Variants in DNAH14 observed in about 807,000 individuals in gnomAD.
DNAH14 encodes axonemal beta dynein heavy chain 14.
Under a neutral mutation model 520.9 loss-of-function variants are expected in DNAH14, and 478 were observed. The ratio of observed to expected loss-of-function variants is 0.92; its 90% CI spans 0.85 to 0.99. The LOEUF is 0.99. Among genes scored for constraint, DNAH14 ranks in the 50% least tolerant of loss-of-function variants. The pLI is 0.00. For missense variants in DNAH14, 4,831 were observed against 5,234.5 expected (o/e 0.92, Z 2.38); for synonymous variants, 1,581 against 1,757.2 (o/e 0.90, Z 2.51).
At chr1:225,242,051 A>G (rs1210062276) in intron 43 of DNAH14, among the ~76,000 whole-genome samples, 5 of 152,130 alleles carry the variant, frequency 3.3e-5, no homozygotes. Context: ...AGTGAGACCC[A>G]TCCATCTCTA....
At chr1:225,321,518 G>C (rs1341309799) in intron 61 of DNAH14, among the ~76,000 whole-genome samples, 1 of 152,126 alleles carries the variant, frequency 6.6e-6, no homozygotes, top group Non-Finnish European at 1.5e-5. Context: ...AAGTTGGCTT[G>C]GTTGCCTTCC....
intron 76 of DNAH14, among the ~76,000 whole-genome samples, chr1:225,365,732 A>G (rs1270888147): frequency 6.6e-6 from 1 of 150,582 alleles, no homozygotes; most frequent in African/African-American, 2.4e-5. Context: ...GCAGCAGACC[A>G]TGCTCTCAGA....
intron 64 of DNAH14, among the ~76,000 whole-genome samples, chr1:225,325,885 C>G (rs1277938100): frequency 6.6e-6 from 1 of 152,160 alleles, no homozygotes; most frequent in Non-Finnish European, 1.5e-5. Flanking sequence ...GTAGGCAGCC[C>G]CCACTCACTT....
chr1:224,940,968 G>A (rs552205623), intron 1 of DNAH14, among the ~76,000 whole-genome samples: 4 of 152,176 alleles, frequency 2.6e-5, no homozygotes, highest in East Asian at 1.9e-4. Flanking sequence ...GAATAGTGCC[G>A]CAATTAACGT....
intron 15 of DNAH14, among the ~76,000 whole-genome samples, chr1:225,049,395 A>G (rs529651491): frequency 4.0e-5 from 6 of 151,434 alleles, no homozygotes; most frequent in Non-Finnish European, 8.8e-5. Context: ...TTGTTTTCTT[A>G]TTGTTGGTTT....
chr1:225,062,964 G>A (rs1476104014), intron 17 of DNAH14, among the ~76,000 whole-genome samples: 6 of 151,926 alleles, frequency 3.9e-5, no homozygotes, highest in Non-Finnish European at 8.8e-5. Flanking sequence ...TACTAAATAT[G>A]CCCAGAAGCA....
chr1:225,006,101 A>G (rs368328631), intron 9 of DNAH14, among the ~76,000 whole-genome samples: 19 of 152,308 alleles, frequency 1.2e-4, no homozygotes, highest in African/African-American at 2.6e-4. Context: ...CTTTACTGCA[A>G]TCTTTGAACA....
chr1:225,020,136 A>C (rs2065547687), intron 10 of DNAH14, among the ~76,000 whole-genome samples: 2 of 152,104 alleles, frequency 1.3e-5, no homozygotes, highest in Admixed American at 1.3e-4. Context: ...AAAAAAATAA[A>C]GAAGACCCAA....
At position 225,345,582 on chromosome 1, in the gene DNAH14, C is replaced by T. The variant is rs141931087; in HGVS notation, c.10679-380C>T. Among the ~76,000 whole-genome samples, 14 of 152,146 alleles carry T rather than the reference C, an allele frequency of 9.2e-5. No homozygotes were observed. In the East Asian group the frequency reaches 2.3e-3, roughly 25 times the overall value. On this transcript the variant is annotated intron_variant, in intron 69 of 85. Coordinates refer to ENST00000682510, the MANE Select transcript of DNAH14 (RefSeq NM_001367479.1). ...CAATACAAAATATCAGAATAAATCA[C>T]GTAAAATAATGGCACACTTGTTATT... is the stretch of plus-strand genomic sequence containing the variant.
At position 225,007,489 on chromosome 1, in the gene DNAH14, A is replaced by T. The variant is rs1572412305; in HGVS notation, c.1052A>T (p.Gln351Leu). ...CAGCAAGCTACCCAGGCATTGAAAC[A>T]ACTTGAGGACATCAGGAATAAAGCA... ...QLQQATQALK[Q>L]LEDIRNKAIS... The change falls in exon 10 of 86, where the codon CAA (glutamine) becomes CTA (leucine). Residue 351 changes from glutamine to leucine, a missense_variant. Coordinates refer to ENST00000682510, the MANE Select transcript of DNAH14 (RefSeq NM_001367479.1). The T allele has an allele frequency of 6.5e-7, 1 of 1,541,066 alleles. No individual in the cohort carries two copies. The highest frequency in any genetic ancestry group is 2.5e-5 in the East Asian group (1 of 40,306).
intron 17 of DNAH14, among the ~76,000 whole-genome samples, chr1:225,052,515 A>T (rs2068637183): frequency 6.6e-6 from 1 of 152,196 alleles, no homozygotes; most frequent in South Asian, 2.1e-4. Flanking sequence ...CAGACCACAA[A>T]TATTTGTTGA....
At chr1:225,122,667 G>A (rs867147874) in intron 26 of DNAH14, among the ~76,000 whole-genome samples, 4 of 151,980 alleles carry the variant, frequency 2.6e-5, no homozygotes, top group Middle Eastern at 3.2e-3. Context: ...AGTTCCAAAG[G>A]TATTAAATAA....
At chr1:225,071,435 A>G (rs545703242) in intron 17 of DNAH14, among the ~76,000 whole-genome samples, 103 of 152,230 alleles carry the variant, frequency 6.8e-4, no homozygotes, top group Non-Finnish European at 1.2e-3. Flanking sequence ...TCCTTCACCT[A>G]TGAAGCTTAG....
At chr1:225,351,559 C>T (rs968555408) in intron 71 of DNAH14, 88 bp from the exon 72 acceptor site, 23 of 804,710 alleles carry the variant, frequency 2.9e-5, no homozygotes, top group Non-Finnish European at 4.1e-5. Context: ...CTTAACAGTA[C>T]ATCTTTGTCA....
chr1:225,043,673 AATTT>A (rs2067684448), intron 13 of DNAH14, 67 bp from the exon 14 acceptor site: 3 of 1,141,490 alleles, frequency 2.6e-6, no homozygotes, highest in Middle Eastern at 2.6e-4. Context: ...GGCATATATT[AATTT>A]GTCATTTACC....
At chr1:225,215,754 C>A (rs2089215600) in intron 41 of DNAH14, among the ~76,000 whole-genome samples, 1 of 152,098 alleles carries the variant, frequency 6.6e-6, no homozygotes, top group African/African-American at 2.4e-5. Context: ...CTTGGTAGAT[C>A]TTTCTCCATC....
intron 54 of DNAH14, among the ~76,000 whole-genome samples, chr1:225,287,153 AT>A (rs2093766108): frequency 6.6e-6 from 1 of 152,188 alleles, no homozygotes; most frequent in South Asian, 2.1e-4. Context: ...GACACTATAT[AT>A]TTGTCAAAGC....
chr1:225,044,300 G>C (rs1423724957), intron 15 of DNAH14, among the ~76,000 whole-genome samples: 2 of 152,114 alleles, frequency 1.3e-5, no homozygotes, highest in Non-Finnish European at 2.9e-5. Flanking sequence ...GTATAACAAA[G>C]ATATTGTTTC....
chr1:225,245,209 A>G (rs540726035), intron 43 of DNAH14, among the ~76,000 whole-genome samples: 1 of 152,222 alleles, frequency 6.6e-6, no homozygotes, highest in South Asian at 2.1e-4. Flanking sequence ...GTGGTCTGAG[A>G]GACTGTTATG....
Sources: gnomAD v4.1 joint callset for allele counts (sites outside exome capture counted in the v4.1 genomes callset) on GRCh38, gnomAD v4.1.1 for gene constraint, MANE v1.5 for transcripts, NCBI Gene and HGNC (gene_info 2026-07-23, HGNC 2026-07-21) for gene names.